USP28: variants seen among roughly 807,000 people sequenced by gnomAD.
USP28 encodes ubiquitin specific peptidase 28.
Under a neutral mutation model 145.0 loss-of-function variants are expected in USP28, and 113 were observed. That is an observed-to-expected ratio of 0.78 (90% CI 0.67 to 0.91). The LOEUF is 0.91. Among genes scored for constraint, USP28 ranks in the 40% least tolerant of loss-of-function variants. The pLI, the probability that USP28 is intolerant of heterozygous loss-of-function variation, is 0.00. For missense variants in USP28, 1,201 were observed against 1,289.6 expected (o/e 0.93, Z 1.05); for synonymous variants, 447 against 450.9 (o/e 0.99, Z 0.11).
chr11:113,871,999 G>A (rs1948867207), intron 1 of USP28, among the ~76,000 whole-genome samples: 1 of 152,140 alleles, frequency 6.6e-6, no homozygotes, highest in African/African-American at 2.4e-5. Context: ...ACAAGTATAA[G>A]CCTTCTCATA....
intron 3 of USP28, among the ~76,000 whole-genome samples, chr11:113,852,105 T>C (rs1591420980): frequency 6.6e-6 from 1 of 152,216 alleles, no homozygotes; most frequent in Non-Finnish European, 1.5e-5. Flanking sequence ...CTCAGTTCAC[T>C]GCAAGCTCTG....
intron 9 of USP28, 90 bp from the exon 10 acceptor site, chr11:113,829,435 C>G: frequency 2.7e-6 from 4 of 1,501,326 alleles, no homozygotes; most frequent in Non-Finnish European, 3.6e-6. Flanking sequence ...ATTTTAAATT[C>G]AGCAACTTCC....
At chr11:113,846,528 G>C (rs769412255) in intron 3 of USP28, among the ~76,000 whole-genome samples, 1 of 152,174 alleles carries the variant, frequency 6.6e-6, no homozygotes, top group African/African-American at 2.4e-5. Flanking sequence ...GTGCAGATTT[G>C]CAATATGGTA....
chr11:113,802,620 G>C (rs1252331478), intron 23 of USP28, among the ~76,000 whole-genome samples: 1 of 152,178 alleles, frequency 6.6e-6, no homozygotes, highest in Admixed American at 6.5e-5. Context: ...GGCCAGGAGA[G>C]AGTTAGTCTT....
At chr11:113,807,319 C>A (rs1347554447) in intron 18 of USP28, among the ~76,000 whole-genome samples, 1 of 152,166 alleles carries the variant, frequency 6.6e-6, no homozygotes, top group African/African-American at 2.4e-5. Context: ...GGTGATCCAC[C>A]CGCCTTGGCC....
Position 113,853,256 on chromosome 11 carries a change from C to CT in USP28, c.136-624dup, listed in dbSNP as rs796680188. Among the ~76,000 whole-genome samples the CT allele has an allele frequency of 4.8e-5, 7 of 144,384 alleles. No individual in the cohort carries two copies. The East Asian group carries it at 1.0e-3, about 21-fold the overall frequency. 94.7% of individuals were successfully genotyped at this position (144,384 alleles called of 152,430 possible). A position where few individuals can be genotyped will look rare whatever the true frequency, so the allele number is the denominator to read the frequency against. The stretch of plus-strand genomic sequence containing the variant: ...GCTGCAGTGAGCCGAGATCACACCA[C>CT]TGCACTGCAGGCAAGGCAACTGAGT... On this transcript the variant is annotated intron_variant, in intron 2 of 24. Transcript: ENST00000003302.
intron 1 of USP28, among the ~76,000 whole-genome samples, chr11:113,863,655 A>AG (rs1291608382): frequency 1.3e-5 from 2 of 148,924 alleles, no homozygotes; most frequent in African/African-American, 5.0e-5. Context: ...AAAAAAAAAA[A>AG]AAAAATTAGG....
rs773326121 is a variant in USP28 at position 113,817,878 on chromosome 11, T to C, written c.1284-41A>G. ...AGTGGTACTCTACTGCCCAAGGCTGTTTTGTATTTTAAGAGTCGCTGACAA... is the reference window on the plus strand; with the variant it reads ...AGTGGTACTCTACTGCCCAAGGCTGCTTTGTATTTTAAGAGTCGCTGACAA... On this transcript the variant is annotated intron_variant, in intron 12 of 24. Transcript: ENST00000003302. 5 of 1,597,558 alleles carry C rather than the reference T, an allele frequency of 3.1e-6. No individual in the cohort carries two copies. In the Admixed American group the frequency reaches 5.2e-5, roughly 16 times the overall value.
intron 24 of USP28, among the ~76,000 whole-genome samples, chr11:113,801,200 G>A (rs1938952409): frequency 6.6e-6 from 1 of 152,114 alleles, no homozygotes; most frequent in Non-Finnish European, 1.5e-5. Context: ...AGAGAGTAAT[G>A]GAAGTCTGAC....
At chr11:113,823,451 A>C (rs1420473588) in intron 12 of USP28, among the ~76,000 whole-genome samples, 154 bp downstream of exon 12, 2 of 152,190 alleles carry the variant, frequency 1.3e-5, no homozygotes, top group Non-Finnish European at 2.9e-5. Context: ...GCTGATCCTG[A>C]AGACTGCTTC....
At chr11:113,811,237 C>G (rs1324137189) in intron 16 of USP28, among the ~76,000 whole-genome samples, 3 of 152,010 alleles carry the variant, frequency 2.0e-5, no homozygotes, top group Non-Finnish European at 4.4e-5. Flanking sequence ...ACAACATTTT[C>G]AAACTCTTTC....
chr11:113,808,089 A>G, intron 18 of USP28: 1 of 1,451,656 alleles, frequency 6.9e-7, no homozygotes, highest in Non-Finnish European at 9.1e-7. Context: ...ACTGCTCTGC[A>G]AGGTTTGTTT....
intron 1 of USP28, among the ~76,000 whole-genome samples, chr11:113,864,471 G>A (rs1258667139): frequency 3.9e-5 from 6 of 152,110 alleles, no homozygotes; most frequent in East Asian, 1.9e-4. Flanking sequence ...GGAGACCAGC[G>A]GTGTAGTGTT....
At chr11:113,864,498 C>A (rs999603464) in intron 1 of USP28, among the ~76,000 whole-genome samples, 3 of 152,052 alleles carry the variant, frequency 2.0e-5, no homozygotes, top group African/African-American at 7.2e-5. Flanking sequence ...AGTATGAGAC[C>A]CAAGAACCAG....
At chr11:113,800,151 G>A (rs1938703397) in intron 24 of USP28, among the ~76,000 whole-genome samples, 1 of 151,864 alleles carries the variant, frequency 6.6e-6, no homozygotes. Context: ...GACTACAGGT[G>A]CCCGCCACCA....
intron 1 of USP28, among the ~76,000 whole-genome samples, chr11:113,868,857 A>T (rs1948546690): frequency 6.7e-6 from 1 of 150,368 alleles, no homozygotes; most frequent in Non-Finnish European, 1.5e-5. Flanking sequence ...CAGGAGGTTG[A>T]GGCTGCAGTG....
chr11:113,826,641 C>T (rs1042223144), intron 11 of USP28, among the ~76,000 whole-genome samples: 16 of 151,840 alleles, frequency 1.1e-4, no homozygotes, highest in South Asian at 4.2e-4. Flanking sequence ...AATTCTAGGC[C>T]GGGCGCGGTG....
At chr11:113,836,237 T>C (rs1397610290) in intron 5 of USP28, among the ~76,000 whole-genome samples, 4 of 152,166 alleles carry the variant, frequency 2.6e-5, no homozygotes, top group African/African-American at 9.7e-5. Flanking sequence ...AGTTTAGAAC[T>C]GCAGAAAAAT....
intron 18 of USP28, chr11:113,808,127 C>T: frequency 1.3e-6 from 2 of 1,505,604 alleles, no homozygotes; most frequent in Non-Finnish European, 1.8e-6. Context: ...TTGGGTTCAG[C>T]TTCTTTAAGC....
Sources: gnomAD v4.1 joint callset for allele counts (sites outside exome capture counted in the v4.1 genomes callset) on GRCh38, gnomAD v4.1.1 for gene constraint, MANE v1.5 for transcripts, NCBI Gene and HGNC (gene_info 2026-07-23, HGNC 2026-07-21) for gene names.